The following SLC38A8 variants were observed in gnomAD, a reference collection of about 807,000 sequenced individuals.
The protein encoded by SLC38A8 is amino acid transporter SLC38A8.
In SLC38A8, 65 loss-of-function variants were observed where a neutral mutation model predicts 46.0. That is an observed-to-expected ratio of 1.41 (90% CI 1.16 to 1.74). SLC38A8 has a LOEUF of 1.74. Ranked by LOEUF, SLC38A8 falls within the 40% of genes most tolerant of loss-of-function variation. The probability of loss-of-function intolerance (pLI) is 0.00; values close to 1 mark genes in which losing one functional copy is unlikely to be tolerated. For missense variants in SLC38A8, 998 were observed against 567.9 expected (o/e 1.76, Z -7.70); for synonymous variants, 447 against 243.7 (o/e 1.83, Z -7.77).
chr16:84,016,886 G>T lies in SLC38A8; in HGVS notation c.954-159C>A. Reference sequence around the variant, plus strand: ...CCAGGAGACCTTGCCAACCCTCAGGGGTTCTGCCACCATCGGGCAGCCCAT... The same window carrying T: ...CCAGGAGACCTTGCCAACCCTCAGGTGTTCTGCCACCATCGGGCAGCCCAT... On this transcript the variant is annotated intron_variant, in intron 8 of 10. Coordinates refer to ENST00000299709, the MANE Select transcript of SLC38A8 (RefSeq NM_001080442.3). 2.3e-5 allele frequency: 24 copies of T among 1,025,644 alleles called. No individual in the cohort carries two copies. The South Asian group carries it at 4.0e-4, about 17-fold the overall frequency. 63.5% of individuals were successfully genotyped at this position (1,025,644 alleles called of 1,614,324 possible). A position where few individuals can be genotyped will look rare whatever the true frequency, so the allele number is the denominator to read the frequency against.
intron 9 of SLC38A8, among the ~76,000 whole-genome samples, chr16:84,015,121 C>A (rs186934044): frequency 1.3e-5 from 2 of 152,092 alleles, no homozygotes; most frequent in Non-Finnish European, 2.9e-5. Flanking sequence ...GTTCCAGTCG[C>A]GGCTGAATCA....
chr16:84,038,394 T>C (rs2085326910), intron 2 of SLC38A8, among the ~76,000 whole-genome samples: 1 of 152,064 alleles, frequency 6.6e-6, no homozygotes, highest in African/African-American at 2.4e-5. Flanking sequence ...GACTCCCCCA[T>C]GACAGGTTGC....
At chr16:84,020,328 TAG>T (rs1240213935) in intron 7 of SLC38A8, among the ~76,000 whole-genome samples, 1 of 152,158 alleles carries the variant, frequency 6.6e-6, no homozygotes, top group Non-Finnish European at 1.5e-5. Context: ...AATGTTTTTG[TAG>T]AGACAGGGTC....
intron 3 of SLC38A8, among the ~76,000 whole-genome samples, chr16:84,036,409 C>A (rs1328349669): frequency 6.6e-6 from 1 of 152,246 alleles, no homozygotes; most frequent in Admixed American, 6.5e-5. Context: ...TCAGAAGGAG[C>A]TGCTTGCTGT....
chr16:84,030,488 G>C (rs2085224895), intron 5 of SLC38A8, among the ~76,000 whole-genome samples: 2 of 152,016 alleles, frequency 1.3e-5, no homozygotes, highest in Admixed American at 1.3e-4. Flanking sequence ...CTCTCTCTCT[G>C]AACTTCAGAC....
At chr16:84,017,448 C>T (rs2085044271) in intron 7 of SLC38A8, among the ~76,000 whole-genome samples, 161 bp from the exon 8 acceptor site, 1 of 152,200 alleles carries the variant, frequency 6.6e-6, no homozygotes, top group Non-Finnish European at 1.5e-5. Context: ...TGTCCTAAGC[C>T]TACACATGAC....
chr16:84,021,725 G>A (rs1232492482), intron 7 of SLC38A8, among the ~76,000 whole-genome samples: 3 of 152,268 alleles, frequency 2.0e-5, no homozygotes, highest in Non-Finnish European at 4.4e-5. Context: ...CCAATTTTCT[G>A]TCTTAGTCCA....
At chr16:84,023,510 A>G (rs1001827608) in intron 6 of SLC38A8, among the ~76,000 whole-genome samples, 13 of 152,102 alleles carry the variant, frequency 8.5e-5, no homozygotes, top group Non-Finnish European at 1.6e-4. Flanking sequence ...AAATGGCAGG[A>G]TACTAACACA....
chr16:84,023,397 A>T (rs61255908), intron 6 of SLC38A8, among the ~76,000 whole-genome samples: 2,494 of 152,320 alleles, frequency 0.016, 68 homozygotes, highest in African/African-American at 0.055. Flanking sequence ...GCACAAAAGT[A>T]AAATTACTTT....
intron 9 of SLC38A8, among the ~76,000 whole-genome samples, chr16:84,015,246 G>T (rs535159257): frequency 1.7e-4 from 26 of 152,188 alleles, no homozygotes; most frequent in African/African-American, 6.3e-4. Flanking sequence ...TCTGTTCTGG[G>T]CTCCAGTGGG....
rs539547809 is a variant in SLC38A8 at position 84,022,826 on chromosome 16, G to A, written c.754C>T (p.Leu252=). The change falls in exon 7 of 11, where the codon CTG becomes TTG. Residue 252 remains leucine (L), a synonymous_variant. Transcript: ENST00000299709. Reference sequence around the variant, plus strand: ...GCCAGCAAGGACAGCACAGACACCAGGGCCCAGTGGGAGAGGCTCCGTTTG... The same window carrying A: ...GCCAGCAAGGACAGCACAGACACCAAGGCCCAGTGGGAGAGGCTCCGTTTG... ...MRKRSLSHWA[L]VSVLSLLACC... is the part of the protein sequence containing the mutation. The A allele has an allele frequency of 3.1e-6, 5 of 1,613,426 alleles. No homozygotes were observed. Among genetic ancestry groups the A allele is most frequent in the East Asian group, 2.2e-5 (1 of 44,846 alleles).
chr16:84,024,118 G>C (rs558772630), intron 6 of SLC38A8, among the ~76,000 whole-genome samples: 4 of 152,130 alleles, frequency 2.6e-5, no homozygotes, highest in African/African-American at 9.7e-5. Flanking sequence ...CCCCCAAGTT[G>C]TGACAACCCA....
intron 6 of SLC38A8, among the ~76,000 whole-genome samples, chr16:84,027,386 A>C (rs536056094): frequency 4.9e-4 from 74 of 151,106 alleles, no homozygotes; most frequent in African/African-American, 5.2e-4. Flanking sequence ...CAAACAAACA[A>C]ACACACACTA....
intron 3 of SLC38A8, among the ~76,000 whole-genome samples, chr16:84,035,947 G>C (rs541574824): frequency 6.6e-6 from 1 of 152,280 alleles, no homozygotes; most frequent in South Asian, 2.1e-4. Flanking sequence ...TGACCTAATG[G>C]ACATTGCCAG....
chr16:84,041,650 A>G (rs2085368220), intron 2 of SLC38A8, among the ~76,000 whole-genome samples: 1 of 152,168 alleles, frequency 6.6e-6, no homozygotes, highest in Admixed American at 6.5e-5. Flanking sequence ...CAGGCAAGAA[A>G]GAGCAGCTGG....
chr16:84,018,734 G>C (rs1018184834), intron 7 of SLC38A8, among the ~76,000 whole-genome samples: 1 of 152,166 alleles, frequency 6.6e-6, no homozygotes, highest in Non-Finnish European at 1.5e-5. Context: ...TCTTAACACA[G>C]TGATGTCTGA....
rs114981629 is a variant in SLC38A8 at position 84,011,203 on chromosome 16, C to T, written c.1215-1326G>A. Among the ~76,000 whole-genome samples, 177 of 152,252 alleles carry T rather than the reference C, an allele frequency of 1.2e-3. 1 individual carries two copies. The highest frequency in any genetic ancestry group is 3.9e-3 in the African/African-American group (162 of 41,534). ...GTGGGCTGTGGCACTCCTGGAGCAG[C>T]GCTGATGTATTAGAAGGACCCAAAG... On this transcript the variant is annotated intron_variant, in intron 10 of 10. Transcript: ENST00000299709.
At chr16:84,019,653 GA>G (rs970630720) in intron 7 of SLC38A8, among the ~76,000 whole-genome samples, 13 of 152,140 alleles carry the variant, frequency 8.5e-5, no homozygotes, top group African/African-American at 3.1e-4. Flanking sequence ...CCAACCCCAT[GA>G]CCCCAAAGTC....
intron 6 of SLC38A8, among the ~76,000 whole-genome samples, chr16:84,028,564 A>G (rs1468461107): frequency 5.3e-5 from 6 of 112,760 alleles, no homozygotes; most frequent in Non-Finnish European, 1.0e-4. Flanking sequence ...CTCCAACTCA[A>G]AAAAAGAAAA....
Sources: allele counts gnomAD v4.1 joint callset (sites outside exome capture counted in the v4.1 genomes callset), GRCh38; gene constraint gnomAD v4.1.1; transcripts MANE v1.5; gene names NCBI Gene and HGNC (gene_info 2026-07-23, HGNC 2026-07-21).